The following SKAP2 variants were observed in gnomAD, a reference collection of about 807,000 sequenced individuals.
SKAP2 encodes the protein src kinase associated phosphoprotein 2.
In SKAP2, 28 loss-of-function variants were observed where a neutral mutation model predicts 54.9. That is an observed-to-expected ratio of 0.51 (90% CI 0.38 to 0.70). The LOEUF (loss-of-function observed/expected upper bound fraction) is 0.70, where lower values mean the gene tolerates loss of function less well. SKAP2 is among the 30% of genes least tolerant of loss of function. The pLI, the probability that SKAP2 is intolerant of heterozygous loss-of-function variation, is 0.00. For synonymous variants in SKAP2, 137 were observed against 134.3 expected (o/e 1.02, Z -0.14); for missense variants, 356 against 424.1 (o/e 0.84, Z 1.41).
chr7:26,752,716 TA>T (rs1352438587), intron 4 of SKAP2, among the ~76,000 whole-genome samples: 1 of 152,180 alleles, frequency 6.6e-6, no homozygotes, highest in African/African-American at 2.4e-5. Flanking sequence ...GGGGTAAAAT[TA>T]ATACACTTAT....
intron 4 of SKAP2, among the ~76,000 whole-genome samples, chr7:26,843,262 A>C (rs192092845): frequency 1.2e-4 from 18 of 152,164 alleles, no homozygotes; most frequent in African/African-American, 4.3e-4. Context: ...TGTCTATGTG[A>C]AACTTTGAGT....
At chr7:26,800,800 G>C (rs1321333160) in intron 4 of SKAP2, among the ~76,000 whole-genome samples, 1 of 152,102 alleles carries the variant, frequency 6.6e-6, no homozygotes, top group African/African-American at 2.4e-5. Context: ...GAACCAGGAA[G>C]AAATCCAAAA....
chr7:26,721,724 T>C (rs979907153), intron 9 of SKAP2, among the ~76,000 whole-genome samples: 1 of 152,206 alleles, frequency 6.6e-6, no homozygotes, highest in Non-Finnish European at 1.5e-5. Flanking sequence ...GCTGATTCTA[T>C]TCAGTTTAGA....
At chr7:26,717,509 CAAAAAAAAAAAAAAAAA>C (rs58826714) in intron 9 of SKAP2, among the ~76,000 whole-genome samples, 81 of 23,142 alleles carry the variant, frequency 3.5e-3, no homozygotes, top group African/African-American at 4.8e-3. Context: ...GACCCCATCT[CAAAAAAAAAAAAAAAAA>C]AAAAAAAAAA....
intron 4 of SKAP2, among the ~76,000 whole-genome samples, chr7:26,798,419 A>T (rs558388195): frequency 6.6e-6 from 1 of 152,146 alleles, no homozygotes; most frequent in South Asian, 2.1e-4. Context: ...ATACTGAAGA[A>T]GGCATCAGAG....
chr7:26,757,352 A>G (rs992511153), intron 4 of SKAP2, among the ~76,000 whole-genome samples: 1 of 152,170 alleles, frequency 6.6e-6, no homozygotes, highest in Non-Finnish European at 1.5e-5. Flanking sequence ...TTTTTGTACA[A>G]GGTGTAAGGA....
chr7:26,758,076 T>C (rs535462342), intron 4 of SKAP2, among the ~76,000 whole-genome samples: 1 of 152,224 alleles, frequency 6.6e-6, no homozygotes, highest in African/African-American at 2.4e-5. Context: ...CACTATTTTT[T>C]AAAATTTAAG....
intron 9 of SKAP2, among the ~76,000 whole-genome samples, chr7:26,714,810 C>T (rs962213832): frequency 9.9e-5 from 15 of 152,066 alleles, no homozygotes; most frequent in African/African-American, 3.6e-4. Flanking sequence ...TTTCGTGAAG[C>T]TACTACAAAC....
intron 4 of SKAP2, among the ~76,000 whole-genome samples, chr7:26,759,683 T>C (rs993497186): frequency 1.3e-5 from 2 of 152,154 alleles, no homozygotes; most frequent in African/African-American, 4.8e-5. Flanking sequence ...AGTTATCTGA[T>C]TTATTAAGCT....
At chr7:26,805,315 G>A (rs1014900198) in intron 4 of SKAP2, among the ~76,000 whole-genome samples, 7 of 152,180 alleles carry the variant, frequency 4.6e-5, no homozygotes, top group Non-Finnish European at 1.0e-4. Context: ...TGTTACCAGT[G>A]ATTACTTTCT....
chr7:26,835,362 G>A (rs1475534841), intron 4 of SKAP2, among the ~76,000 whole-genome samples: 1 of 152,132 alleles, frequency 6.6e-6, no homozygotes, highest in African/African-American at 2.4e-5. Flanking sequence ...TCAGGCAAGA[G>A]AAAGAAATAA....
chr7:26,788,399 G>C (rs977246571), intron 4 of SKAP2, among the ~76,000 whole-genome samples: 2 of 150,890 alleles, frequency 1.3e-5, no homozygotes, highest in African/African-American at 2.4e-5. Context: ...TGTTATAAGA[G>C]AAATCAGAAA....
intron 9 of SKAP2, among the ~76,000 whole-genome samples, chr7:26,723,184 A>G (rs1231399137): frequency 1.3e-5 from 2 of 152,192 alleles, no homozygotes; most frequent in African/African-American, 2.4e-5. Context: ...TTACCTTCCT[A>G]GTTTCAGACA....
intron 4 of SKAP2, among the ~76,000 whole-genome samples, chr7:26,743,682 C>T (rs1202001476): frequency 6.6e-6 from 1 of 151,996 alleles, no homozygotes; most frequent in East Asian, 1.9e-4. Context: ...TATGATAAAC[C>T]TACTTTTCTA....
At chr7:26,822,774 T>C (rs1167583630) in intron 4 of SKAP2, among the ~76,000 whole-genome samples, 1 of 149,284 alleles carries the variant, frequency 6.7e-6, no homozygotes, top group East Asian at 2.0e-4. Context: ...TCCCAGCTAC[T>C]AGGGAGGCTG....
At chr7:26,858,630 C>T (rs1785222475) in intron 1 of SKAP2, among the ~76,000 whole-genome samples, 1 of 152,032 alleles carries the variant, frequency 6.6e-6, no homozygotes, top group Admixed American at 6.5e-5. Context: ...ATATAGACCT[C>T]CTAAAAAACA....
At chr7:26,654,787 T>C in the SKAP2 span, among the ~76,000 whole-genome samples, 1 of 152,206 alleles carries the variant, frequency 6.6e-6, no homozygotes, top group Admixed American at 6.5e-5. Flanking sequence ...CAAGCAATAG[T>C]TTTTAATTGA....
intron 4 of SKAP2, among the ~76,000 whole-genome samples, chr7:26,828,342 C>A (rs954194195): frequency 2.0e-5 from 3 of 152,052 alleles, no homozygotes; most frequent in African/African-American, 7.2e-5. Flanking sequence ...TTTTAACGAA[C>A]GATGTTAAAG....
intron 9 of SKAP2, among the ~76,000 whole-genome samples, chr7:26,692,415 G>A (rs535742158): frequency 1.3e-5 from 2 of 152,208 alleles, no homozygotes; most frequent in African/African-American, 4.8e-5. Flanking sequence ...GACTACAGGT[G>A]GAAATTTAGG....
Sources: allele counts gnomAD v4.1 joint callset (sites outside exome capture counted in the v4.1 genomes callset), GRCh38; gene constraint gnomAD v4.1.1; transcripts MANE v1.5; gene names NCBI Gene and HGNC (gene_info 2026-07-23, HGNC 2026-07-21).